Variants in RALYL observed in about 807,000 individuals in gnomAD.
The protein encoded by RALYL is RNA-binding Raly-like protein.
Under a neutral mutation model 35.1 loss-of-function variants are expected in RALYL, and 29 were observed. That is an observed-to-expected ratio of 0.83 (90% CI 0.61 to 1.13). RALYL has a LOEUF of 1.13. Ranked by LOEUF, RALYL falls within the 50% of genes most tolerant of loss-of-function variation. The pLI is 0.00. For missense variants in RALYL, 359 were observed against 360.4 expected (o/e 1.00, Z 0.03); for synonymous variants, 120 against 127.6 (o/e 0.94, Z 0.40).
chr8:84,704,300 C>T (rs1840745034), intron 2 of RALYL, among the ~76,000 whole-genome samples: 1 of 152,044 alleles, frequency 6.6e-6, no homozygotes, highest in Non-Finnish European at 1.5e-5. Flanking sequence ...TGGCAGGCAC[C>T]TGTAATCCCA....
At chr8:84,207,833 T>C (rs921857662) in intron 1 of RALYL, among the ~76,000 whole-genome samples, 8 of 150,750 alleles carry the variant, frequency 5.3e-5, no homozygotes, top group Non-Finnish European at 1.2e-4. Flanking sequence ...TATATATATA[T>C]ATATATAGAA....
chr8:84,740,729 G>A (rs2133047395), intron 2 of RALYL, among the ~76,000 whole-genome samples: 1 of 152,146 alleles, frequency 6.6e-6, no homozygotes, highest in Non-Finnish European at 1.5e-5. Flanking sequence ...AACCACAGTT[G>A]AATTGTGTAG....
intron 8 of RALYL, among the ~76,000 whole-genome samples, chr8:84,912,604 C>T (rs1028498594): frequency 3.3e-5 from 5 of 151,956 alleles, no homozygotes; most frequent in Admixed American, 6.6e-5. Context: ...AGATGCTTGC[C>T]GCCATTGGCT....
chr8:84,687,046 C>A (rs1480058502), intron 2 of RALYL, among the ~76,000 whole-genome samples: 2 of 152,116 alleles, frequency 1.3e-5, no homozygotes, highest in East Asian at 3.9e-4. Context: ...TTCATGAATT[C>A]TAATCCAGGG....
intron 1 of RALYL, among the ~76,000 whole-genome samples, chr8:84,364,428 A>C (rs1160709209): frequency 6.6e-6 from 1 of 152,178 alleles, no homozygotes; most frequent in Non-Finnish European, 1.5e-5. Context: ...GTAGCAAATG[A>C]CCTACTAAAA....
chr8:84,781,886 A>G (rs1818256406), intron 3 of RALYL, among the ~76,000 whole-genome samples: 1 of 152,208 alleles, frequency 6.6e-6, no homozygotes, highest in Non-Finnish European at 1.5e-5. Flanking sequence ...ATACTTGAAT[A>G]TGTGTGAGAA....
At chr8:84,238,540 G>A (rs1464017639) in intron 1 of RALYL, among the ~76,000 whole-genome samples, 1 of 152,036 alleles carries the variant, frequency 6.6e-6, no homozygotes, top group Non-Finnish European at 1.5e-5. Flanking sequence ...TTATAACTGC[G>A]ATATTCATAT....
chr8:84,232,516 A>G (rs986556275), intron 1 of RALYL, among the ~76,000 whole-genome samples: 2 of 152,168 alleles, frequency 1.3e-5, no homozygotes, highest in Non-Finnish European at 2.9e-5. Context: ...AAAGAGACCT[A>G]TTGTATAACA....
intron 1 of RALYL, among the ~76,000 whole-genome samples, chr8:84,234,528 T>G (rs138385124): frequency 0.016 from 2,412 of 152,290 alleles, 30 homozygotes; most frequent in South Asian, 0.028. Flanking sequence ...AAAGCATGTT[T>G]CATAACTGAT....
At chr8:84,460,127 GA>G (rs905078443) in intron 1 of RALYL, among the ~76,000 whole-genome samples, 3 of 151,754 alleles carry the variant, frequency 2.0e-5, no homozygotes, top group African/African-American at 7.2e-5. Context: ...ACACAGGTAT[GA>G]AAATCTTGAA....
chr8:84,869,427 G>A (rs1839788428), intron 6 of RALYL, among the ~76,000 whole-genome samples: 1 of 152,104 alleles, frequency 6.6e-6, no homozygotes, highest in Non-Finnish European at 1.5e-5. Context: ...GTGATTTACT[G>A]TCAAAGTCCA....
chr8:84,511,885 T>C (rs1261546631), intron 1 of RALYL, among the ~76,000 whole-genome samples: 2 of 152,214 alleles, frequency 1.3e-5, no homozygotes, highest in Non-Finnish European at 2.9e-5. Context: ...ATCCTTTTTA[T>C]GGCTAGATAG....
chr8:84,726,671 G>C (rs1234093543), intron 2 of RALYL, among the ~76,000 whole-genome samples: 2 of 151,080 alleles, frequency 1.3e-5, no homozygotes, highest in Non-Finnish European at 3.0e-5. Flanking sequence ...TTACATGGAG[G>C]CAATTTCCAA....
At chr8:84,711,024 C>T (rs144484091) in intron 2 of RALYL, among the ~76,000 whole-genome samples, 9 of 152,104 alleles carry the variant, frequency 5.9e-5, no homozygotes, top group African/African-American at 2.2e-4. Flanking sequence ...TCAGGAAAAG[C>T]CACTTACTAA....
intron 1 of RALYL, among the ~76,000 whole-genome samples, chr8:84,508,536 A>C (rs2057358350): frequency 6.6e-6 from 1 of 151,920 alleles, no homozygotes; most frequent in Admixed American, 6.6e-5. Context: ...GTGCTATATA[A>C]ATATAAAACA....
At chr8:84,716,669 C>G (rs1228967802) in intron 2 of RALYL, among the ~76,000 whole-genome samples, 18 of 152,130 alleles carry the variant, frequency 1.2e-4, no homozygotes, top group Non-Finnish European at 1.5e-4. Flanking sequence ...CAGTAATACT[C>G]CATGAAGCTT....
At chr8:84,332,409 GT>G (rs1039993622) in intron 1 of RALYL, among the ~76,000 whole-genome samples, 1 of 152,060 alleles carries the variant, frequency 6.6e-6, no homozygotes, top group African/African-American at 2.4e-5. Context: ...ATTGATTATT[GT>G]TTTATTATAT....
At chr8:84,862,676 C>T (rs1247322782) in intron 6 of RALYL, among the ~76,000 whole-genome samples, 2 of 152,162 alleles carry the variant, frequency 1.3e-5, no homozygotes, top group Non-Finnish European at 2.9e-5. Context: ...AATCCAGGAC[C>T]AATTTGAAAA....
chr8:84,541,842 G>T (rs1041543083), intron 2 of RALYL, among the ~76,000 whole-genome samples: 3 of 151,930 alleles, frequency 2.0e-5, no homozygotes, highest in Non-Finnish European at 2.9e-5. Flanking sequence ...TTAGAGAAAA[G>T]CTTGGTTTAA....
Sources: allele counts gnomAD v4.1 joint callset (sites outside exome capture counted in the v4.1 genomes callset), GRCh38; gene constraint gnomAD v4.1.1; transcripts MANE v1.5; gene names NCBI Gene and HGNC (gene_info 2026-07-23, HGNC 2026-07-21).